LRRC53: variants seen among roughly 807,000 people sequenced by gnomAD.
LRRC53 encodes leucine rich repeat containing 53.
LRRC53 carries 25 observed loss-of-function variants against 13.6 expected under a neutral mutation model. The ratio of observed to expected loss-of-function variants is 1.83; its 90% CI spans 1.34 to 2.56. The LOEUF (loss-of-function observed/expected upper bound fraction) is 2.56. Among genes scored for constraint, LRRC53 ranks in the 30% most tolerant of loss-of-function variants. The pLI is 0.00. For missense variants in LRRC53, 527 were observed against 275.8 expected (o/e 1.91, Z -6.45); for synonymous variants, 204 against 109.8 (o/e 1.86, Z -5.37).
intron 1 of LRRC53, among the ~76,000 whole-genome samples, chr1:74,496,306 C>T (rs970288804): frequency 3.3e-5 from 5 of 152,172 alleles, no homozygotes; most frequent in Admixed American, 1.3e-4. Flanking sequence ...TGACTTATTA[C>T]GTGCATCATC....
intron 3 of LRRC53, among the ~76,000 whole-genome samples, chr1:74,479,707 G>A (rs1013982221): frequency 6.6e-6 from 1 of 152,210 alleles, no homozygotes; most frequent in African/African-American, 2.4e-5. Flanking sequence ...ACACCATGGA[G>A]AAGCACACAA....
intron 1 of LRRC53, among the ~76,000 whole-genome samples, chr1:74,510,778 G>GT (rs1670149270): frequency 6.6e-6 from 1 of 152,240 alleles, no homozygotes; most frequent in Admixed American, 6.5e-5. Context: ...ACAAATGTGT[G>GT]TTGATTTCCC....
chr1:74,489,873 T>C (rs1189290109), intron 1 of LRRC53, among the ~76,000 whole-genome samples: 1 of 152,026 alleles, frequency 6.6e-6, no homozygotes, highest in African/African-American at 2.4e-5. Context: ...AAAAATAATA[T>C]ATTCTCAAAT....
chr1:74,480,256 G>T lies in LRRC53; in HGVS notation c.801C>A (p.Thr267=), dbSNP rs1244620963. ...AGTTGGGAGCTTTGGAATCACAGTT[G>T]GTCTCAGACAGCCTCAGCACACTCT... ...AAQSVLRLSE[T]NCDSKAPNFT... Residue 267 remains threonine (T), a synonymous_variant, in exon 3 of 5, where the codon ACC becomes ACA. Transcript: ENST00000294635. 1.4e-6 allele frequency: 1 copy of T among 717,514 alleles called. No individual in the cohort carries two copies. Among genetic ancestry groups the T allele is most frequent in the Non-Finnish European group, 2.6e-6 (1 of 385,086 alleles). 44.4% of individuals were successfully genotyped at this position (717,514 alleles called of 1,614,324 possible).
intron 4 of LRRC53, 28 bp downstream of exon 4, chr1:74,475,267 G>T: frequency 1.6e-6 from 1 of 625,450 alleles, no homozygotes; most frequent in Non-Finnish European, 2.9e-6. Context: ...TAAACGGAGT[G>T]GGATTTTCTA....
chr1:74,502,746 G>A lies in LRRC53; in HGVS notation c.-27+9780C>T, dbSNP rs140656671. ...TAGTAGCCACTTTGCCTCAGCTTAT[G>A]CCTCCTGAAGAAACACTATAAATCA... On this transcript the variant is annotated intron_variant, in intron 1 of 4. Transcript: ENST00000294635. 4.3e-4 allele frequency among the ~76,000 whole-genome samples: 65 copies of A among 152,242 alleles called. 1 individual carries two copies. Among genetic ancestry groups the A allele is most frequent in the African/African-American group, 1.5e-3 (62 of 41,524 alleles).
At chr1:74,513,291 C>T (rs1167673833), upstream of LRRC53, among the ~76,000 whole-genome samples, 2 of 152,096 alleles carry the variant, frequency 1.3e-5, no homozygotes, top group African/African-American at 4.8e-5. Context: ...TTACTGAGTC[C>T]CTGTCCTTTC....
Position 74,495,955 on chromosome 1 carries a change from T to C in LRRC53, c.-26-12580A>G, listed in dbSNP as rs1383195018. The stretch of plus-strand genomic sequence containing the variant: ...TTTAAAGTCAGAGAGCCCAAGGATA[T>C]AAAAATTGATGGACTAAGTACAGGA... On this transcript the variant is annotated intron_variant, in intron 1 of 4. Coordinates refer to ENST00000294635, the MANE Select transcript of LRRC53 (RefSeq NM_001382280.1). Among the ~76,000 whole-genome samples, 8 of 152,086 alleles carry C rather than the reference T, an allele frequency of 5.3e-5. No homozygotes were observed. The East Asian group carries it at 1.5e-3, about 29-fold the overall frequency.
chr1:74,470,331 T>A lies in LRRC53; in HGVS notation c.3291A>T (p.Leu1097Phe), dbSNP rs1344812142. 2.5e-5 allele frequency: 10 copies of A among 400,632 alleles called. No homozygotes were observed. In the South Asian group the frequency reaches 1.0e-3, roughly 40 times the overall value. The allele number at this position is 400,632 out of a possible 1,614,324, so 24.8% of individuals were successfully genotyped here. ...TTAAGGTCATTTGTGAGATCTGAGT[T>A]AACATACTAGAATCTGTCTTGCTTT... The part of the protein sequence containing the change: ...LDESKTDSSM[L>F]TQISQMTLKG... Residue 1097 changes from leucine to phenylalanine, a missense_variant, in exon 5 of 5, where the codon TTA becomes TTT. Transcript: ENST00000294635.
In LRRC53 at chr1:74,471,412, C is replaced by T. The variant is rs568607966; in HGVS notation, c.2210G>A (p.Ser737Asn). Residue 737 changes from serine to asparagine, a missense_variant, in exon 5 of 5, where the codon AGT becomes AAT. Ser to Asn is a conservative substitution (Grantham distance 46). Coordinates refer to ENST00000294635, the MANE Select transcript of LRRC53 (RefSeq NM_001382280.1). ...VRVHPEKSLS[S>N]LPKQCKQVLL... Reference sequence around the variant, plus strand: ...TACCTGCTTGCATTGCTTTGGGAGACTTGACAAGGATTTTTCTGGATGGAC... The same window carrying T: ...TACCTGCTTGCATTGCTTTGGGAGATTTGACAAGGATTTTTCTGGATGGAC... The T allele has an allele frequency of 2.5e-6, 1 of 400,638 alleles. No individual in the cohort carries two copies. Among genetic ancestry groups the T allele is most frequent in the Non-Finnish European group, 4.4e-6 (1 of 226,134 alleles). 24.8% of individuals were successfully genotyped at this position (400,638 alleles called of 1,614,324 possible).
At chr1:74,490,637 A>C (rs45491197) in intron 1 of LRRC53, among the ~76,000 whole-genome samples, 2 of 152,320 alleles carry the variant, frequency 1.3e-5, no homozygotes, top group Non-Finnish European at 2.9e-5. Flanking sequence ...GATGAGAGTC[A>C]GCCTAAAGAG....
rs368003956 is a variant in LRRC53, at chr1:74,473,039, C to T, written c.1421-838G>A. 5.8e-4 allele frequency among the ~76,000 whole-genome samples: 89 copies of T among 152,190 alleles called. 2 individuals are homozygous for T. The South Asian group carries it at 9.1e-3, about 16-fold the overall frequency. ...TATAGGCACATGTGGAAGAAGGAAA[C>T]TTGTACTGGCTTCTTCTTAATGTCT... is the stretch of plus-strand genomic sequence containing the variant. On this transcript the variant is annotated intron_variant, in intron 4 of 4. Coordinates refer to ENST00000294635, the MANE Select transcript of LRRC53 (RefSeq NM_001382280.1).
At position 74,479,051 on chromosome 1, in the gene LRRC53, A is replaced by C. The variant is rs548358035; in HGVS notation, c.904+1102T>G. On this transcript the variant is annotated intron_variant, in intron 3 of 4. Coordinates refer to ENST00000294635, the MANE Select transcript of LRRC53 (RefSeq NM_001382280.1). ...TGTAATTGTCAGGAAGTAAAAATAC[A>C]ATCAATTAATTCACTAGATAACTGT... Among the ~76,000 whole-genome samples, 8 of 152,334 alleles carry C rather than the reference A, an allele frequency of 5.3e-5. No individual in the cohort carries two copies. In the East Asian group the frequency reaches 1.5e-3, roughly 29 times the overall value.
chr1:74,483,086 C>A (rs1668584444), intron 2 of LRRC53, among the ~76,000 whole-genome samples, 176 bp downstream of exon 2: 1 of 152,162 alleles, frequency 6.6e-6, no homozygotes. Flanking sequence ...TTGATTGAGA[C>A]CATCAGGAAC....
rs142554922 is a variant in LRRC53, at chr1:74,483,342, C to T, written c.8G>A (p.Arg3Gln). ...TGACTCAGGGCAAGCTGCCACCAAC[C>T]GCAACATGATGGCAAAGAGTACCAG... is the stretch of plus-strand genomic sequence containing the variant. Reference protein sequence around the residue: MLRLVAACPESCV... With the variant: MLQLVAACPESCV... The change falls in exon 2 of 5, where the codon CGG becomes CAG. Residue 3 changes from arginine to glutamine, a missense_variant. Coordinates refer to ENST00000294635, the MANE Select transcript of LRRC53 (RefSeq NM_001382280.1). 1.3e-3 allele frequency: 944 copies of T among 717,332 alleles called. 8 individuals carry two copies. The highest frequency in any genetic ancestry group is 7.5e-3 in the African/African-American group (428 of 57,320). The allele number at this position is 717,332 out of a possible 1,614,324, so 44.4% of individuals were successfully genotyped here.
intron 1 of LRRC53, among the ~76,000 whole-genome samples, chr1:74,493,371 T>G (rs973531167): frequency 2.0e-5 from 3 of 152,086 alleles, no homozygotes; most frequent in East Asian, 3.8e-4. Flanking sequence ...GAACTTTACC[T>G]CGATGAAAAC....
chr1:74,531,466 G>A, the LRRC53 span, among the ~76,000 whole-genome samples: 1 of 152,092 alleles, frequency 6.6e-6, no homozygotes, highest in East Asian at 1.9e-4. Context: ...AGGAAAGGTG[G>A]GCTAAGAGGA....
chr1:74,504,943 G>C (rs1182423071), intron 1 of LRRC53, among the ~76,000 whole-genome samples: 3 of 152,104 alleles, frequency 2.0e-5, no homozygotes, highest in Non-Finnish European at 4.4e-5. Flanking sequence ...GCGAAGATTC[G>C]CCGGAGGCAA....
intron 1 of LRRC53, among the ~76,000 whole-genome samples, chr1:74,507,636 G>A (rs933431957): frequency 1.3e-5 from 2 of 152,052 alleles, no homozygotes; most frequent in Non-Finnish European, 2.9e-5. Context: ...TGTACTTCTT[G>A]TTCTCCTTCA....
Sources: gnomAD v4.1 joint callset for allele counts (sites outside exome capture counted in the v4.1 genomes callset) on GRCh38, gnomAD v4.1.1 for gene constraint, MANE v1.5 for transcripts, NCBI Gene and HGNC (gene_info 2026-07-23, HGNC 2026-07-21) for gene names.